BTN3A3: variants seen among roughly 807,000 people sequenced by gnomAD.
BTN3A3 encodes butyrophilin 3.
In BTN3A3, 39 loss-of-function variants were observed where a neutral mutation model predicts 43.2. The ratio of observed to expected loss-of-function variants is 0.90; its 90% CI spans 0.70 to 1.18. The LOEUF (loss-of-function observed/expected upper bound fraction) is 1.18. Ranked by LOEUF, BTN3A3 falls within the 50% of genes most tolerant of loss-of-function variation. The probability of loss-of-function intolerance (pLI) is 0.00; values close to 1 mark genes in which losing one functional copy is unlikely to be tolerated. For missense variants in BTN3A3, 631 were observed against 722.8 expected (o/e 0.87, Z 1.46); for synonymous variants, 255 against 272.7 (o/e 0.93, Z 0.64).
At chr6:26,442,666 A>G (rs1010782710) in intron 1 of BTN3A3, among the ~76,000 whole-genome samples, 6 of 152,192 alleles carry the variant, frequency 3.9e-5, no homozygotes, top group African/African-American at 1.4e-4. Context: ...GTCGGTTACC[A>G]CTTTTATACT....
At chr6:26,449,817 A>T in intron 9 of BTN3A3, 129 bp downstream of exon 9, 1 of 1,237,536 alleles carries the variant, frequency 8.1e-7, no homozygotes. Flanking sequence ...TCAATTTTGC[A>T]TGGTAGGGGG....
chr6:26,448,445 AG>A lies in BTN3A3; in HGVS notation c.914del (p.Arg305LysfsTer38), dbSNP rs747103513. 32 of 1,612,810 alleles carry A rather than the reference AG, an allele frequency of 2.0e-5. No homozygotes were observed. The Admixed American group carries it at 5.2e-4, about 26-fold the overall frequency. ...YAATEQEISL[R>X]EKLQEELKWR... ...TGCAACAGAGCAAGAAATAAGCCTAAGAGGTATCCAACGCAAGCAGAGAATC... is the reference window on the plus strand; with the variant it reads ...TGCAACAGAGCAAGAAATAAGCCTAAAGGTATCCAACGCAAGCAGAGAATC... On this transcript the variant is annotated frameshift_variant and splice_region_variant, in exon 6 of 11. Coordinates refer to ENST00000244519, the MANE Select transcript of BTN3A3 (RefSeq NM_006994.5). LOFTEE classifies it high-confidence loss of function.
chr6:26,452,726 A>T lies in BTN3A3; in HGVS notation c.*315A>T, dbSNP rs1355761225. Reference sequence around the variant, plus strand: ...ATGAAGTAACTTACATAACTCATACAGTAATTTGTGCAGTTGGGAGATGTT... The same window carrying T: ...ATGAAGTAACTTACATAACTCATACTGTAATTTGTGCAGTTGGGAGATGTT... On this transcript the variant is annotated 3_prime_UTR_variant, in exon 11 of 11. Transcript: ENST00000244519. 1.0e-5 allele frequency: 3 copies of T among 286,332 alleles called. No individual in the cohort carries two copies. Among genetic ancestry groups the T allele is most frequent in the African/African-American group, 4.3e-5 (2 of 46,168 alleles). The allele number at this position is 286,332 out of a possible 1,614,324, so 17.7% of individuals were successfully genotyped here. A position where few individuals can be genotyped will look rare whatever the true frequency, so the allele number is the denominator to read the frequency against.
chr6:26,451,605 T>C (rs2113845383), intron 10 of BTN3A3, 70 bp from the exon 11 acceptor site: 1 of 1,556,342 alleles, frequency 6.4e-7, no homozygotes, highest in Non-Finnish European at 8.7e-7. Context: ...GGTCCAGGCC[T>C]TGCATGCTGA....
At chr6:26,443,830 T>C (rs1324036499) in intron 3 of BTN3A3, 127 bp from the exon 4 acceptor site, 1 of 1,480,570 alleles carries the variant, frequency 6.8e-7, no homozygotes, top group East Asian at 2.4e-5. Context: ...AGACAAATGG[T>C]CCTTCTGTTA....
chr6:26,444,585 C>A, intron 4 of BTN3A3: 1 of 580,016 alleles, frequency 1.7e-6, no homozygotes, highest in Non-Finnish European at 3.0e-6. Context: ...TAGAAATCAT[C>A]TCTTTAGTGA....
At chr6:26,445,650 A>C in intron 4 of BTN3A3, 54 bp from the exon 5 acceptor site, 1 of 1,572,882 alleles carries the variant, frequency 6.4e-7, no homozygotes, top group South Asian at 1.2e-5. Flanking sequence ...TCCCATTGAG[A>C]CCCTCCCTGA....
rs143460142 is a variant in BTN3A3, at chr6:26,451,991, C to T, written c.1335C>T (p.Leu445=). 1,739 of 1,614,132 alleles carry T rather than the reference C, an allele frequency of 1.1e-3. 4 individuals carry two copies. The highest frequency in any genetic ancestry group is 1.8e-3 in the Admixed American group (107 of 60,026). ...GLTDGNKYRA[L]TEPRTNLKLP... ...CTGATGGGAATAAGTATCGGGCTCT[C>T]ACTGAGCCCAGAACCAACCTGAAAC... Residue 445 remains leucine, a synonymous_variant, in exon 11 of 11, where the codon CTC becomes CTT. Transcript: ENST00000244519.
intron 3 of BTN3A3, 142 bp from the exon 4 acceptor site, chr6:26,443,815 C>T (rs1762702815): frequency 6.7e-6 from 10 of 1,486,524 alleles, no homozygotes; most frequent in Admixed American, 1.9e-5. Flanking sequence ...CCACCTGTCA[C>T]AAAGAGACAA....
chr6:26,444,240 G>A lies in BTN3A3; in HGVS notation c.369G>A (p.Lys123=). ...ACGTCACAGCCTCTGACAGTGGAAA[G>A]TACTTGTGTTATTTCCAAGATGGTG... ...IHNVTASDSG[K]YLCYFQDGDF... Residue 123 remains lysine, a synonymous_variant, in exon 4 of 11, where the codon AAG becomes AAA. Transcript: ENST00000244519. 3 of 1,612,080 alleles carry A rather than the reference G, an allele frequency of 1.9e-6. No homozygotes were observed. The highest frequency in any genetic ancestry group is 2.5e-6 in the Non-Finnish European group (3 of 1,179,870).
chr6:26,443,811 G>A, intron 3 of BTN3A3, 146 bp from the exon 4 acceptor site: 1 of 1,490,988 alleles, frequency 6.7e-7, no homozygotes, highest in Non-Finnish European at 9.2e-7. Flanking sequence ...AGGACCACCT[G>A]TCACAAAGAG....
intron 6 of BTN3A3, 74 bp downstream of exon 6, chr6:26,448,522 C>A: frequency 6.2e-7 from 1 of 1,609,600 alleles, no homozygotes; most frequent in Middle Eastern, 1.7e-4. Context: ...CCCATTCCCA[C>A]CCTGACACTG....
Position 26,445,846 on chromosome 6 carries a change from A to G in BTN3A3, c.576A>G (p.Ala192=), listed in dbSNP as rs754846329. 7 of 1,614,170 alleles carry G rather than the reference A, an allele frequency of 4.3e-6. No individual in the cohort carries two copies. The South Asian group carries it at 6.6e-5, about 15-fold the overall frequency. ...TKGENIPAVE[A]PVVADGVGLY... is the part of the protein sequence containing the mutation. The stretch of plus-strand genomic sequence containing the variant: ...GAGAGAACATCCCGGCTGTGGAAGC[A>G]CCTGTGGTTGCAGATGGAGTGGGCC... Residue 192 remains alanine (A), a synonymous_variant, in exon 5 of 11, where the codon GCA becomes GCG. Coordinates refer to ENST00000244519, the MANE Select transcript of BTN3A3 (RefSeq NM_006994.5).
intron 8 of BTN3A3, 196 bp from the exon 9 acceptor site, chr6:26,449,466 C>T (rs2113842291): frequency 1.6e-6 from 1 of 624,426 alleles, no homozygotes; most frequent in African/African-American, 1.8e-5. Flanking sequence ...ACTGCCCTGC[C>T]ACTAGCATTC....
At chr6:26,449,487 C>A in intron 8 of BTN3A3, 175 bp from the exon 9 acceptor site, 1 of 688,804 alleles carries the variant, frequency 1.5e-6, no homozygotes, top group East Asian at 2.6e-5. Context: ...AACCAATGTT[C>A]CCAGACTTGA....
rs1263715347 is a variant in BTN3A3, at chr6:26,452,365, C to G, written c.1709C>G (p.Thr570Ser). 1 of 1,608,390 alleles carries G rather than the reference C, an allele frequency of 6.2e-7. No homozygotes were observed. The highest frequency in any genetic ancestry group is 8.5e-7 in the Non-Finnish European group (1 of 1,179,972). Residue 570 changes from threonine (T) to serine (S), a missense_variant, in exon 11 of 11, where the codon ACC becomes AGC. Physicochemically the swap from Thr to Ser is moderately conservative, Grantham distance 58. This residue lies in a region of BTN3A3 where 551 missense variants were observed against 584.0 expected (regional missense o/e 0.94). Transcript: ENST00000244519. ...GCTGAGGTCTCCCCTTCTGCAACAA[C>G]CAATCAGAACCATAAGCTACAGGCA... ...PGAEVSPSAT[T>S]NQNHKLQART...
At position 26,445,219 on chromosome 6, in the gene BTN3A3, T is replaced by G. The variant is rs150810552; in HGVS notation, c.434-485T>G. ...AGGATACCAAGACCTGGTATCAGGTTCCAGACGCCGAGGAGAGCTTTTTTC... is the reference window on the plus strand; with the variant it reads ...AGGATACCAAGACCTGGTATCAGGTGCCAGACGCCGAGGAGAGCTTTTTTC... On this transcript the variant is annotated intron_variant, in intron 4 of 10. Coordinates refer to ENST00000244519, the MANE Select transcript of BTN3A3 (RefSeq NM_006994.5). 1.9e-3 allele frequency: 316 copies of G among 162,930 alleles called. 1 individual carries two copies. Among genetic ancestry groups the G allele is most frequent in the African/African-American group, 6.9e-3 (287 of 41,654 alleles). The allele number at this position is 162,930 out of a possible 1,614,324, so 10.1% of individuals were successfully genotyped here.
In BTN3A3 at chr6:26,448,213, C is replaced by G. The variant is rs774690197; in HGVS notation, c.716-35C>G. ...GCTGAGGCTGGGGAGGCTGAGTGCACTAGCTCCCATGACCCACAGCTCTCC... is the reference window on the plus strand; with the variant it reads ...GCTGAGGCTGGGGAGGCTGAGTGCAGTAGCTCCCATGACCCACAGCTCTCC... On this transcript the variant is annotated intron_variant, in intron 5 of 10. Coordinates refer to ENST00000244519, the MANE Select transcript of BTN3A3 (RefSeq NM_006994.5). 1.9e-6 allele frequency: 3 copies of G among 1,607,624 alleles called. No individual in the cohort carries two copies. In the East Asian group the frequency reaches 6.7e-5, roughly 36 times the overall value.
chr6:26,443,554 A>G lies in BTN3A3; in HGVS notation c.-5-16A>G. The stretch of plus-strand genomic sequence containing the variant: ...TAGTGTCTGTCCCACACCTTCTGGT[A>G]TCTCTTGATATGCAGCATAGATGAA... On this transcript the variant is annotated splice_polypyrimidine_tract_variant and intron_variant, in intron 2 of 10. Coordinates refer to ENST00000244519, the MANE Select transcript of BTN3A3 (RefSeq NM_006994.5). The G allele has an allele frequency of 5.6e-6, 9 of 1,613,076 alleles. No individual in the cohort carries two copies. Among genetic ancestry groups the G allele is most frequent in the Non-Finnish European group, 7.6e-6 (9 of 1,179,118 alleles).
Sources: gnomAD v4.1 joint callset for allele counts (sites outside exome capture counted in the v4.1 genomes callset) on GRCh38, gnomAD v4.1.1 for gene constraint, gnomAD v4.1.1 regional missense constraint, MANE v1.5 for transcripts, NCBI Gene and HGNC (gene_info 2026-07-23, HGNC 2026-07-21) for gene names.